RAB3C: variants seen among roughly 807,000 people sequenced by gnomAD.
RAB3C encodes the protein RAB3C, member RAS oncogene family.
Under a neutral mutation model 26.4 loss-of-function variants are expected in RAB3C, and 17 were observed. That is an observed-to-expected ratio of 0.64 (90% CI 0.44 to 0.97). The LOEUF is 0.97. Ranked by LOEUF, RAB3C falls within the 50% of genes least tolerant of loss-of-function variation. The pLI is 0.00. For synonymous variants in RAB3C, 91 were observed against 95.9 expected, an observed-to-expected ratio of 0.95 and a Z score of 0.30; for missense variants, 242 against 281.9, an observed-to-expected ratio of 0.86 and a Z score of 1.01.
intron 1 of RAB3C, among the ~76,000 whole-genome samples, chr5:58,605,783 T>C (rs1746551514): frequency 2.6e-5 from 4 of 152,100 alleles, no homozygotes. Context: ...CAAGCGCTTG[T>C]AATCCCTGCT....
At chr5:58,650,850 A>G (rs1326326417) in intron 2 of RAB3C, among the ~76,000 whole-genome samples, 1 of 152,218 alleles carries the variant, frequency 6.6e-6, no homozygotes, top group African/African-American at 2.4e-5. Flanking sequence ...CATTCCGGTA[A>G]GAAAATATAC....
chr5:58,791,080 A>G (rs1035983209), intron 3 of RAB3C, among the ~76,000 whole-genome samples: 1 of 151,088 alleles, frequency 6.6e-6, no homozygotes, highest in Non-Finnish European at 1.5e-5. Context: ...AAAAAAAAAC[A>G]TATATGAAGA....
chr5:58,772,804 A>G (rs1412319220), intron 3 of RAB3C, among the ~76,000 whole-genome samples: 1 of 152,182 alleles, frequency 6.6e-6, no homozygotes, highest in Non-Finnish European at 1.5e-5. Context: ...TAAAGATTAT[A>G]TATCAGGTAA....
chr5:58,672,264 G>C (rs992493827), intron 2 of RAB3C, among the ~76,000 whole-genome samples: 1 of 152,178 alleles, frequency 6.6e-6, no homozygotes, highest in African/African-American at 2.4e-5. Flanking sequence ...AAGGGGCACA[G>C]GTGATCCCCT....
At chr5:58,833,829 T>A (rs886456710) in intron 4 of RAB3C, among the ~76,000 whole-genome samples, 1 of 152,190 alleles carries the variant, frequency 6.6e-6, no homozygotes, top group Non-Finnish European at 1.5e-5. Flanking sequence ...ATTTAAATGC[T>A]TTGATAAGCA....
chr5:58,723,132 G>T (rs1010657241), intron 2 of RAB3C, among the ~76,000 whole-genome samples: 5 of 151,678 alleles, frequency 3.3e-5, no homozygotes, highest in African/African-American at 4.8e-5. Context: ...TTTATCATTT[G>T]ATGTTCTATC....
At chr5:58,652,718 A>G (rs1257440640) in intron 2 of RAB3C, among the ~76,000 whole-genome samples, 1 of 150,410 alleles carries the variant, frequency 6.6e-6, no homozygotes, top group Non-Finnish European at 1.5e-5. Context: ...AAAAAACAAG[A>G]GAAAAGATGA....
intron 2 of RAB3C, among the ~76,000 whole-genome samples, chr5:58,642,794 A>C (rs976706698): frequency 6.6e-6 from 1 of 152,226 alleles, no homozygotes; most frequent in Non-Finnish European, 1.5e-5. Context: ...CGGGGAGTGC[A>C]AACTAAATAC....
At chr5:58,772,141 G>A (rs1345267021) in intron 3 of RAB3C, among the ~76,000 whole-genome samples, 1 of 152,086 alleles carries the variant, frequency 6.6e-6, no homozygotes, top group Non-Finnish European at 1.5e-5. Context: ...GAAATGCATG[G>A]GCTAATGCGA....
chr5:58,636,519 C>G (rs1466699521), intron 2 of RAB3C, among the ~76,000 whole-genome samples: 1 of 152,194 alleles, frequency 6.6e-6, no homozygotes, highest in African/African-American at 2.4e-5. Flanking sequence ...TCTGCCTGCA[C>G]TGTGTTCTTG....
At position 58,852,327 on chromosome 5, in the gene RAB3C, T is replaced by C. The variant is rs1247788858; in HGVS notation, c.*976T>C. On this transcript the variant is annotated 3_prime_UTR_variant, in exon 5 of 5. Coordinates refer to ENST00000282878, the MANE Select transcript of RAB3C (RefSeq NM_138453.4). ...GACTAGAGCTTATGTTGAAGCTTGT[T>C]AGGGCTCCTCTTTCCGTAGGATGTA... 6.6e-6 allele frequency: 1 copy of C among 152,208 alleles called. No homozygotes were observed. Among genetic ancestry groups the C allele is most frequent in the Non-Finnish European group, 1.5e-5 (1 of 68,052 alleles). The allele number at this position is 152,208 out of a possible 1,614,324, so 9.4% of individuals were successfully genotyped here.
intron 2 of RAB3C, among the ~76,000 whole-genome samples, chr5:58,669,116 A>G (rs1748060938): frequency 6.6e-6 from 1 of 152,098 alleles, no homozygotes; most frequent in Non-Finnish European, 1.5e-5. Flanking sequence ...ATACTATTAC[A>G]TTGAGAGTCA....
rs201060629 is a variant in RAB3C at position 58,714,538 on chromosome 5, CAT to C, written c.253-11463_253-11462del. On this transcript the variant is annotated intron_variant, in intron 2 of 4. Transcript: ENST00000282878. ...ACTTGTGAGCAGAGAAACTGGAAAACATGTGGATAAATACAAATAAATAATGT... is the reference window on the plus strand; with the variant it reads ...ACTTGTGAGCAGAGAAACTGGAAAACGTGGATAAATACAAATAAATAATGT... Among the ~76,000 whole-genome samples, 1,149 of 152,104 alleles carry C rather than the reference CAT, an allele frequency of 7.6e-3. 17 individuals are homozygous for C. Among genetic ancestry groups the C allele is most frequent in the African/African-American group, 0.026 (1,066 of 41,512 alleles).
Position 58,857,469 on chromosome 5 carries a change from A to C in RAB3C, c.*6118A>C, listed in dbSNP as rs1432657265. ...ATATAAAAGTGTACATTTTACTTTT[A>C]AGCAACTAATTTAGATACCTAAGAA... On this transcript the variant is annotated 3_prime_UTR_variant, in exon 5 of 5. Coordinates refer to ENST00000282878, the MANE Select transcript of RAB3C (RefSeq NM_138453.4). 6.6e-6 allele frequency: 1 copy of C among 152,180 alleles called. No homozygotes were observed. The highest frequency in any genetic ancestry group is 1.5e-5 in the Non-Finnish European group (1 of 68,014). The allele number at this position is 152,180 out of a possible 1,614,324, so 9.4% of individuals were successfully genotyped here. A position where few individuals can be genotyped will look rare whatever the true frequency, so the allele number is the denominator to read the frequency against.
Position 58,643,018 on chromosome 5 carries a change from G to C in RAB3C, c.252+25148G>C, listed in dbSNP as rs142037478. ...CTTTCAATCATGCATCAACCTGGAAGCCAAATCAGACTCTTTAATGTATGT... is the reference window on the plus strand; with the variant it reads ...CTTTCAATCATGCATCAACCTGGAACCCAAATCAGACTCTTTAATGTATGT... On this transcript the variant is annotated intron_variant, in intron 2 of 4. Coordinates refer to ENST00000282878, the MANE Select transcript of RAB3C (RefSeq NM_138453.4). Among the ~76,000 whole-genome samples the C allele has an allele frequency of 4.1e-3, 622 of 152,314 alleles. 1 individual carries two copies. Among genetic ancestry groups the C allele is most frequent in the African/African-American group, 0.014 (593 of 41,570 alleles).
chr5:58,825,228 G>A (rs1743447868), intron 4 of RAB3C, 66 bp downstream of exon 4: 1 of 1,461,292 alleles, frequency 6.8e-7, no homozygotes, highest in Admixed American at 2.2e-5. Flanking sequence ...TCTGTACAGA[G>A]TCCGAGCTAA....
intron 2 of RAB3C, among the ~76,000 whole-genome samples, chr5:58,655,116 A>C (rs570132407): frequency 6.6e-6 from 1 of 152,310 alleles, no homozygotes; most frequent in East Asian, 1.9e-4. Flanking sequence ...CTTTGCTCTC[A>C]TGCCTCCAAA....
intron 3 of RAB3C, among the ~76,000 whole-genome samples, chr5:58,803,532 T>C (rs1232221972): frequency 1.3e-5 from 2 of 151,248 alleles, no homozygotes; most frequent in East Asian, 1.9e-4. Flanking sequence ...AAAATAAAAA[T>C]AAATTCTGAT....
intron 1 of RAB3C, among the ~76,000 whole-genome samples, chr5:58,601,979 G>A (rs571035034): frequency 4.1e-4 from 62 of 152,092 alleles, no homozygotes; most frequent in African/African-American, 1.5e-3. Flanking sequence ...TCTGATGTGG[G>A]TGTTTAAGGC....
Sources: allele counts gnomAD v4.1 joint callset (sites outside exome capture counted in the v4.1 genomes callset), GRCh38; gene constraint gnomAD v4.1.1; transcripts MANE v1.5; gene names NCBI Gene and HGNC (gene_info 2026-07-23, HGNC 2026-07-21).